SELENOI: variants seen among roughly 807,000 people sequenced by gnomAD.
SELENOI encodes the protein ethanolaminephosphotransferase 1.
In SELENOI, 24 loss-of-function variants were observed where a neutral mutation model predicts 50.7. The observed-to-expected ratio is 0.47, with a 90% confidence interval of 0.34 to 0.67. The LOEUF is 0.67. Among genes scored for constraint, SELENOI ranks in the 30% least tolerant of loss-of-function variants. The probability of loss-of-function intolerance (pLI) is 0.01; values close to 1 mark genes in which losing one functional copy is unlikely to be tolerated. For synonymous variants in SELENOI, 155 were observed against 170.2 expected (o/e 0.91, Z 0.70); for missense variants, 352 against 461.4 (o/e 0.76, Z 2.17).
At chr2:26,364,072 C>T (rs1040456710) in intron 1 of SELENOI, among the ~76,000 whole-genome samples, 2 of 140,376 alleles carry the variant, frequency 1.4e-5, no homozygotes, top group African/African-American at 5.4e-5. Context: ...TACTTTCTTT[C>T]TCCCCCTTTT....
At position 26,364,841 on chromosome 2, in the gene SELENOI, A is replaced by T. The variant is rs750045652; in HGVS notation, c.136A>T (p.Thr46Ser). ...FWNTIVKVFP[T>S]WLAPNLITFS... ...TATTTTGCAAAAATAGGTATTTCCT[A>T]CTTGGCTGGCGCCCAATCTGATAAC... The change falls in exon 3 of 10, where the codon ACT (threonine) becomes TCT (serine). Residue 46 changes from threonine (T) to serine (S), a missense_variant. Transcript: ENST00000260585. 1 of 1,605,384 alleles carries T rather than the reference A, an allele frequency of 6.2e-7. No individual in the cohort carries two copies. The highest frequency in any genetic ancestry group is 1.7e-5 in the Admixed American group (1 of 58,456).
intron 6 of SELENOI, among the ~76,000 whole-genome samples, chr2:26,377,844 C>G (rs1677600104): frequency 6.6e-6 from 1 of 151,816 alleles, no homozygotes; most frequent in Non-Finnish European, 1.5e-5. Context: ...GCTTTTTTTT[C>G]TATTTCTTTG....
intron 1 of SELENOI, among the ~76,000 whole-genome samples, chr2:26,350,584 G>A (rs7601607): frequency 0.29 from 43,816 of 152,084 alleles, 7,291 homozygotes; most frequent in Middle Eastern, 0.37. Context: ...GTCAGGCATA[G>A]CATTTGGGCT....
At chr2:26,349,458 C>A (rs961209567) in intron 1 of SELENOI, among the ~76,000 whole-genome samples, 2 of 152,028 alleles carry the variant, frequency 1.3e-5, no homozygotes, top group Admixed American at 1.3e-4. Context: ...AGGCGCCTGC[C>A]ACCATGCCCG....
chr2:26,347,040 T>G (rs1253985251), intron 1 of SELENOI: 3 of 152,218 alleles, frequency 2.0e-5, no homozygotes, highest in Non-Finnish European at 4.4e-5. Flanking sequence ...AGTAAATAAA[T>G]GCGGGTGGTT....
At chr2:26,349,558 G>T (rs1010904381) in intron 1 of SELENOI, among the ~76,000 whole-genome samples, 3 of 151,878 alleles carry the variant, frequency 2.0e-5, no homozygotes, top group Non-Finnish European at 1.5e-5. Flanking sequence ...CACCCACCTC[G>T]GCCTCCCAAA....
intron 6 of SELENOI, 59 bp downstream of exon 6, chr2:26,375,207 T>C (rs1677541784): frequency 9.1e-7 from 1 of 1,099,298 alleles, no homozygotes; most frequent in South Asian, 1.4e-5. Context: ...AAAGAGCCGG[T>C]ATTTGACTAT....
At chr2:26,352,311 G>A (rs1676976879) in intron 1 of SELENOI, among the ~76,000 whole-genome samples, 1 of 152,126 alleles carries the variant, frequency 6.6e-6, no homozygotes, top group South Asian at 2.1e-4. Context: ...TGCTCTGGAG[G>A]CCTTTTAGGA....
chr2:26,372,040 G>A (rs1677467378), intron 4 of SELENOI, among the ~76,000 whole-genome samples: 1 of 151,994 alleles, frequency 6.6e-6, no homozygotes, highest in African/African-American at 2.4e-5. Flanking sequence ...TTAGCCTAAA[G>A]AGAACCTTTC....
Position 26,373,589 on chromosome 2 carries a change from G to A in SELENOI, c.533G>A (p.Gly178Glu). ...ILSHWEKYNT[G>E]ILFLPWGYDI... Reference sequence around the variant, plus strand: ...TCCCACTGGGAAAAGTATAACACAGGGATTCTTTTCCTGCCATGGGGATAT... The same window carrying A: ...TCCCACTGGGAAAAGTATAACACAGAGATTCTTTTCCTGCCATGGGGATAT... Residue 178 changes from glycine to glutamate, a missense_variant, in exon 5 of 10, where the codon GGG (glycine) becomes GAG (glutamate). Transcript: ENST00000260585. The A allele has an allele frequency of 1.2e-6, 2 of 1,613,856 alleles. No individual in the cohort carries two copies. Among genetic ancestry groups the A allele is most frequent in the Non-Finnish European group, 1.7e-6 (2 of 1,179,842 alleles).
intron 6 of SELENOI, among the ~76,000 whole-genome samples, chr2:26,376,794 G>A (rs889590252): frequency 2.6e-5 from 4 of 152,120 alleles, no homozygotes; most frequent in Non-Finnish European, 5.9e-5. Flanking sequence ...TTACGTGAAA[G>A]TGTATTGATT....
chr2:26,356,035 C>T (rs1038778666), intron 1 of SELENOI, among the ~76,000 whole-genome samples: 6 of 152,208 alleles, frequency 3.9e-5, no homozygotes, highest in African/African-American at 1.2e-4. Context: ...AGCCACCTTG[C>T]CTGGGTGAGC....
In SELENOI at chr2:26,393,784, C is replaced by T. The variant is rs1197516368; in HGVS notation, c.*4681C>T. ...TTGAAATTGGAAGCAGACTGCTCTTCAGCAGCACATATACTGCAACTGAAG... is the reference window on the plus strand; with the variant it reads ...TTGAAATTGGAAGCAGACTGCTCTTTAGCAGCACATATACTGCAACTGAAG... On this transcript the variant is annotated 3_prime_UTR_variant, in exon 10 of 10. Coordinates refer to ENST00000260585, the MANE Select transcript of SELENOI (RefSeq NM_033505.4). 6.6e-6 allele frequency: 1 copy of T among 152,182 alleles called. No individual in the cohort carries two copies. The highest frequency in any genetic ancestry group is 1.5e-5 in the Non-Finnish European group (1 of 68,038). The allele number at this position is 152,182 out of a possible 1,614,324, so 9.4% of individuals were successfully genotyped here.
intron 1 of SELENOI, among the ~76,000 whole-genome samples, chr2:26,352,702 T>TGA (rs1158080688): frequency 1.3e-5 from 2 of 152,070 alleles, no homozygotes; most frequent in East Asian, 3.9e-4. Flanking sequence ...GAGAATCGCT[T>TGA]GAATCTGGGA....
At chr2:26,377,012 G>A (rs1677581923) in intron 6 of SELENOI, among the ~76,000 whole-genome samples, 1 of 152,038 alleles carries the variant, frequency 6.6e-6, no homozygotes, top group Admixed American at 6.5e-5. Context: ...TGTCTTTCTT[G>A]GTATTTGTTG....
At chr2:26,383,427 CTT>C in intron 7 of SELENOI, 80 bp downstream of exon 7, 1 of 1,011,838 alleles carries the variant, frequency 9.9e-7, no homozygotes, top group South Asian at 1.5e-5. Context: ...ATCTATTTTC[CTT>C]TTGGAGTCAG....
At chr2:26,383,214 TA>T (rs1558421784) in intron 6 of SELENOI, 84 bp from the exon 7 acceptor site, 30 of 959,246 alleles carry the variant, frequency 3.1e-5, no homozygotes, top group East Asian at 9.2e-5. Flanking sequence ...TTTTGGGGTC[TA>T]AAAAAATTTG....
intron 6 of SELENOI, among the ~76,000 whole-genome samples, chr2:26,380,799 A>G (rs902589174): frequency 2.0e-5 from 3 of 152,134 alleles, no homozygotes; most frequent in Non-Finnish European, 4.4e-5. Context: ...ATATTGTCAA[A>G]CGTTTGACTT....
At chr2:26,383,466 A>T (rs74947445) in intron 7 of SELENOI, 119 bp downstream of exon 7, 2 of 693,938 alleles carry the variant, frequency 2.9e-6, no homozygotes, top group South Asian at 3.8e-5. Flanking sequence ...CACAAAACCT[A>T]TATTTTAAAT....
Sources: allele counts gnomAD v4.1 joint callset (sites outside exome capture counted in the v4.1 genomes callset), GRCh38; gene constraint gnomAD v4.1.1; transcripts MANE v1.5; gene names NCBI Gene and HGNC (gene_info 2026-07-23, HGNC 2026-07-21).